Variants in SLC12A8 observed in about 807,000 individuals in gnomAD.
SLC12A8 encodes cation-chloride cotransporter 9.
In SLC12A8, 69 loss-of-function variants were observed where a neutral mutation model predicts 75.6. The ratio of observed to expected loss-of-function variants is 0.91; its 90% CI spans 0.75 to 1.11. The LOEUF (loss-of-function observed/expected upper bound fraction) is 1.11, where lower values mean the gene tolerates loss of function less well. SLC12A8 is among the 50% of genes most tolerant of loss of function. The pLI is 0.00. For missense variants in SLC12A8, 877 were observed against 896.7 expected (o/e 0.98, Z 0.28); for synonymous variants, 365 against 372.8 (o/e 0.98, Z 0.24).
chr3:125,146,866 C>G (rs1538355), intron 5 of SLC12A8, among the ~76,000 whole-genome samples: 73,313 of 152,182 alleles, frequency 0.48, 19,093 homozygotes, highest in Non-Finnish European at 0.6. Flanking sequence ...ACACCTCTTC[C>G]CACCACAGGG....
At chr3:125,163,812 T>A (rs1275807028) in intron 5 of SLC12A8, among the ~76,000 whole-genome samples, 2 of 152,170 alleles carry the variant, frequency 1.3e-5, no homozygotes, top group Admixed American at 6.5e-5. Context: ...AGGCCAAGGA[T>A]GCAGAGGGCT....
chr3:125,104,517 A>G (rs1300716105), intron 10 of SLC12A8, among the ~76,000 whole-genome samples: 1 of 151,998 alleles, frequency 6.6e-6, no homozygotes, highest in Non-Finnish European at 1.5e-5. Flanking sequence ...GAAAAAAAAA[A>G]AAAAAAAGAC....
chr3:125,083,796 T>C lies in SLC12A8; in HGVS notation c.*94A>G. ...TGACAGCGGGAGGATGGGTCTTGAG[T>C]TTCTCAGGTTGGAGAAGCAGCTCCA... On this transcript the variant is annotated 3_prime_UTR_variant, in exon 14 of 14. Coordinates refer to ENST00000469902, the MANE Select transcript of SLC12A8 (RefSeq NM_024628.6). 2 of 1,247,350 alleles carry C rather than the reference T, an allele frequency of 1.6e-6. No individual in the cohort carries two copies. Among genetic ancestry groups the C allele is most frequent in the East Asian group, 5.2e-5 (2 of 38,808 alleles). 77.3% of individuals were successfully genotyped at this position (1,247,350 alleles called of 1,614,324 possible). A position where few individuals can be genotyped will look rare whatever the true frequency, so the allele number is the denominator to read the frequency against.
intron 5 of SLC12A8, among the ~76,000 whole-genome samples, chr3:125,165,489 G>A (rs1219911059): frequency 1.3e-5 from 2 of 152,326 alleles, no homozygotes; most frequent in East Asian, 1.9e-4. Context: ...AGCCACAAAG[G>A]AGACTCGGGG....
At position 125,091,470 on chromosome 3, in the gene SLC12A8, G is replaced by A; in HGVS notation, c.1890C>T (p.Tyr630=). 6.2e-7 allele frequency: 1 copy of A among 1,613,892 alleles called. No homozygotes were observed. The highest frequency in any genetic ancestry group is 1.1e-5 in the South Asian group (1 of 91,070). ...GAAGCCCTGGACTGGCCCGGCCAAT[G>A]TAGAAATACACGATGGCAGCAACAC... ...NMGVAAIVYF[Y]IGRASPGLHL... is the part of the protein sequence containing the mutation. Residue 630 remains tyrosine (Y), a synonymous_variant, in exon 12 of 14, where the codon TAC becomes TAT. Transcript: ENST00000469902.
At chr3:125,179,626 C>G (rs1934609010) in intron 4 of SLC12A8, among the ~76,000 whole-genome samples, 1 of 152,024 alleles carries the variant, frequency 6.6e-6, no homozygotes, top group Admixed American at 6.6e-5. Context: ...ATTCCAGCAT[C>G]CCATAGTGGT....
At chr3:125,211,427 C>T in intron 1 of SLC12A8, 33 bp from the exon 2 acceptor site, 1 of 1,142,618 alleles carries the variant, frequency 8.8e-7, no homozygotes. Context: ...GTCAGGCTGG[C>T]TTCTCCTCTC....
At chr3:125,157,023 C>T (rs1470954214) in intron 5 of SLC12A8, among the ~76,000 whole-genome samples, 8 of 152,128 alleles carry the variant, frequency 5.3e-5, no homozygotes, top group Admixed American at 3.9e-4. Flanking sequence ...GATATGTCAT[C>T]AAGCCTCTGT....
intron 12 of SLC12A8, among the ~76,000 whole-genome samples, chr3:125,090,548 A>G (rs1043519956): frequency 1.2e-4 from 19 of 152,008 alleles, no homozygotes; most frequent in Non-Finnish European, 4.4e-5. Context: ...GAACTTTTCT[A>G]TTTCTTCCTG....
In SLC12A8 at chr3:125,098,998, C is replaced by T. The variant is rs1938792596; in HGVS notation, c.1706-6800G>A. 2.6e-5 allele frequency among the ~76,000 whole-genome samples: 4 copies of T among 152,352 alleles called. 1 individual carries two copies. In the South Asian group the frequency reaches 8.3e-4, roughly 32 times the overall value. Reference sequence around the variant, plus strand: ...ATAGAAAGACTAGATAACCTCCCCACATTTCCCTGGATGACTAGAAAACTA... The same window carrying T: ...ATAGAAAGACTAGATAACCTCCCCATATTTCCCTGGATGACTAGAAAACTA... On this transcript the variant is annotated intron_variant, in intron 10 of 13. Coordinates refer to ENST00000469902, the MANE Select transcript of SLC12A8 (RefSeq NM_024628.6).
intron 5 of SLC12A8, among the ~76,000 whole-genome samples, chr3:125,171,952 G>A (rs1202480010): frequency 3.1e-3 from 6 of 1,914 alleles, no homozygotes; most frequent in Admixed American, 0.018. Context: ...AAATTAAAAA[G>A]TAAAAAAAAA....
intron 2 of SLC12A8, among the ~76,000 whole-genome samples, chr3:125,210,597 A>T (rs1173887255): frequency 6.6e-6 from 1 of 152,104 alleles, no homozygotes; most frequent in African/African-American, 2.4e-5. Context: ...CTCCCCTCTG[A>T]TGGGGCTTGT....
chr3:125,088,466 A>ACATTGGGTTTTGCATT, intron 12 of SLC12A8, 96 bp from the exon 13 acceptor site: 1 of 909,376 alleles, frequency 1.1e-6, no homozygotes, highest in Non-Finnish European at 1.8e-6. Flanking sequence ...CCCAATACAC[A>ACATTGGGTTTTGCATT]CACACGCACA....
Position 125,110,172 on chromosome 3 carries a change from A to C in SLC12A8, c.1059+17T>G. On this transcript the variant is annotated intron_variant, in intron 9 of 13. Transcript: ENST00000469902. The stretch of plus-strand genomic sequence containing the variant: ...AACATGTTTCAAAAAACAAACCAAA[A>C]AAAGAGGATTACTCACCCCTTGTCC... 6.2e-7 allele frequency: 1 copy of C among 1,600,960 alleles called. No homozygotes were observed. Among genetic ancestry groups the C allele is most frequent in the Non-Finnish European group, 8.5e-7 (1 of 1,171,668 alleles).
chr3:125,169,098 A>G (rs1347359371), intron 5 of SLC12A8, among the ~76,000 whole-genome samples: 1 of 152,192 alleles, frequency 6.6e-6, no homozygotes, highest in Non-Finnish European at 1.5e-5. Context: ...CAAATGTGCC[A>G]CATGTCACTT....
chr3:125,207,841 C>T (rs1424020541), intron 2 of SLC12A8, among the ~76,000 whole-genome samples: 4 of 152,232 alleles, frequency 2.6e-5, no homozygotes, highest in Admixed American at 6.5e-5. Context: ...CAGCCTACTC[C>T]GCTGGGCTTC....
rs1191437377 is a variant in SLC12A8 at position 125,107,770 on chromosome 3, A to G, written c.1416T>C (p.Leu472=). ...CTCCTTGCCTGGGCTGGCTACTCTC[A>G]AGCTTCCTGGTTAGCTGGAGGAGCT... ...MDQLLQLTRK[L]ESSQPRQGEG... The change falls in exon 10 of 14, where the codon CTT becomes CTC. Residue 472 remains leucine, a synonymous_variant. Transcript: ENST00000469902. 3 of 1,613,864 alleles carry G rather than the reference A, an allele frequency of 1.9e-6. No homozygotes were observed. Among genetic ancestry groups the G allele is most frequent in the Non-Finnish European group, 2.5e-6 (3 of 1,179,994 alleles).
chr3:125,148,300 C>T (rs758561688), intron 5 of SLC12A8, among the ~76,000 whole-genome samples: 3 of 152,092 alleles, frequency 2.0e-5, no homozygotes, highest in Non-Finnish European at 4.4e-5. Context: ...GGTGTGGGCA[C>T]CTATGTGTTG....
intron 5 of SLC12A8, among the ~76,000 whole-genome samples, chr3:125,167,339 T>C (rs942591145): frequency 1.2e-4 from 18 of 152,066 alleles, no homozygotes; most frequent in African/African-American, 4.3e-4. Context: ...AGAGATGGGG[T>C]TTCACCATGT....
Sources: gnomAD v4.1 joint callset for allele counts (sites outside exome capture counted in the v4.1 genomes callset) on GRCh38, gnomAD v4.1.1 for gene constraint, MANE v1.5 for transcripts, NCBI Gene and HGNC (gene_info 2026-07-23, HGNC 2026-07-21) for gene names.